The following DCC variants were observed in gnomAD, a reference collection of about 807,000 sequenced individuals.
The protein encoded by DCC is netrin receptor DCC.
Under a neutral mutation model 172.5 loss-of-function variants are expected in DCC, and 58 were observed. That is an observed-to-expected ratio of 0.34 (90% CI 0.27 to 0.42). DCC has a LOEUF of 0.42. Among genes scored for constraint, DCC ranks in the 10% least tolerant of loss-of-function variants. The probability of loss-of-function intolerance (pLI) is 1.00; values close to 1 mark genes in which losing one functional copy is unlikely to be tolerated. For synonymous variants in DCC, 709 were observed against 644.5 expected (o/e 1.10, Z -1.52); for missense variants, 1,740 against 1,791.0 (o/e 0.97, Z 0.51).
intron 15 of DCC, among the ~76,000 whole-genome samples, chr18:53,353,531 T>A (rs1196390357): frequency 6.6e-6 from 1 of 152,158 alleles, no homozygotes; most frequent in Non-Finnish European, 1.5e-5. Flanking sequence ...TGGTGTCATT[T>A]TTTTTTACAT....
intron 12 of DCC, among the ~76,000 whole-genome samples, chr18:53,291,154 C>T (rs1266899344): frequency 2.7e-5 from 4 of 149,468 alleles, no homozygotes; most frequent in Non-Finnish European, 4.4e-5. Flanking sequence ...GGTGACAGAG[C>T]AAGACTGCAT....
At chr18:53,334,932 A>C (rs1366523969) in intron 14 of DCC, among the ~76,000 whole-genome samples, 1 of 152,150 alleles carries the variant, frequency 6.6e-6, no homozygotes, top group Non-Finnish European at 1.5e-5. Context: ...CCTGCTTTCA[A>C]TTCTTTTTGC....
intron 13 of DCC, among the ~76,000 whole-genome samples, chr18:53,321,833 C>T (rs545242592): frequency 6.6e-6 from 1 of 152,246 alleles, no homozygotes; most frequent in East Asian, 1.9e-4. Flanking sequence ...TTTTTATAAA[C>T]TGGAAAAAAA....
chr18:53,348,065 A>C (rs932003596), intron 15 of DCC, among the ~76,000 whole-genome samples: 1 of 152,162 alleles, frequency 6.6e-6, no homozygotes, highest in African/African-American at 2.4e-5. Context: ...CCTTCCCAGC[A>C]GTCCCCCAAA....
chr18:53,146,505 G>A (rs1025627512), intron 7 of DCC, among the ~76,000 whole-genome samples: 1 of 152,162 alleles, frequency 6.6e-6, no homozygotes, highest in African/African-American at 2.4e-5. Flanking sequence ...ATTTACGAGG[G>A]CAGAGCCCTG....
chr18:52,586,541 T>A (rs534252212), intron 1 of DCC, among the ~76,000 whole-genome samples: 95 of 152,316 alleles, frequency 6.2e-4, no homozygotes, highest in Non-Finnish European at 1.2e-3. Flanking sequence ...GCATCATTGT[T>A]GTGTCTCCTG....
intron 2 of DCC, among the ~76,000 whole-genome samples, chr18:52,862,941 A>G (rs1299616237): frequency 6.6e-6 from 1 of 152,122 alleles, no homozygotes; most frequent in Non-Finnish European, 1.5e-5. Flanking sequence ...CCAAGGAGAA[A>G]CCTAAATTCT....
intron 17 of DCC, among the ~76,000 whole-genome samples, chr18:53,395,093 C>T (rs1382294469): frequency 1.4e-5 from 2 of 147,084 alleles, no homozygotes; most frequent in East Asian, 2.0e-4. Context: ...GAGGTTGCAG[C>T]GAGCCAAGAT....
intron 7 of DCC, among the ~76,000 whole-genome samples, chr18:53,131,952 G>GTT (rs1568323077): frequency 2.3e-4 from 16 of 68,834 alleles, no homozygotes; most frequent in Admixed American, 6.7e-4. Context: ...GTCTCTAAGT[G>GTT]ATTTTTTTTT....
intron 5 of DCC, among the ~76,000 whole-genome samples, chr18:52,980,042 T>C (rs1337605168): frequency 6.6e-6 from 1 of 152,168 alleles, no homozygotes; most frequent in Non-Finnish European, 1.5e-5. Flanking sequence ...GTTCAATCAC[T>C]GTATTTAATT....
intron 1 of DCC, among the ~76,000 whole-genome samples, chr18:52,615,040 G>A (rs2034353705): frequency 6.6e-6 from 1 of 152,184 alleles, no homozygotes; most frequent in African/African-American, 2.4e-5. Context: ...TCATGGAAAT[G>A]TCAGAGTTCT....
chr18:52,517,326 A>G (rs1342687946), intron 1 of DCC, among the ~76,000 whole-genome samples: 1 of 152,240 alleles, frequency 6.6e-6, no homozygotes, highest in East Asian at 1.9e-4. Flanking sequence ...ACTAGTTTAA[A>G]GAATAAAGCC....
chr18:52,725,940 T>C (rs546248569), intron 1 of DCC, among the ~76,000 whole-genome samples: 117 of 152,328 alleles, frequency 7.7e-4, no homozygotes, highest in African/African-American at 2.6e-3. Flanking sequence ...CAAAATCTTC[T>C]TACATACATT....
At chr18:52,517,074 C>G (rs1445288053) in intron 1 of DCC, among the ~76,000 whole-genome samples, 1 of 152,178 alleles carries the variant, frequency 6.6e-6, no homozygotes, top group African/African-American at 2.4e-5. Flanking sequence ...CCCTTGGCAT[C>G]TTAGGACTCT....
At chr18:52,442,619 C>T (rs1424199985) in intron 1 of DCC, among the ~76,000 whole-genome samples, 2 of 152,120 alleles carry the variant, frequency 1.3e-5, no homozygotes, top group African/African-American at 2.4e-5. Context: ...CCCAGTCACC[C>T]TCCTTGATGG....
intron 5 of DCC, chr18:52,931,941 T>A (rs1043224662): frequency 3.3e-5 from 5 of 152,034 alleles, no homozygotes; most frequent in African/African-American, 1.2e-4. Context: ...TGAATAAACT[T>A]TTATTTAAAA....
At chr18:53,376,790 G>C (rs1907320912) in intron 15 of DCC, among the ~76,000 whole-genome samples, 1 of 152,014 alleles carries the variant, frequency 6.6e-6, no homozygotes, top group African/African-American at 2.4e-5. Flanking sequence ...CTCCCCTCTT[G>C]ACTTCCTAAT....
chr18:53,069,936 T>C (rs181434782), intron 7 of DCC, among the ~76,000 whole-genome samples: 178 of 152,004 alleles, frequency 1.2e-3, no homozygotes, highest in African/African-American at 4.2e-3. Context: ...GGGGTTGTTA[T>C]TGTGTGGAGT....
chr18:53,212,697 G>T (rs2055776584), intron 11 of DCC, among the ~76,000 whole-genome samples: 2 of 148,906 alleles, frequency 1.3e-5, no homozygotes, highest in South Asian at 4.2e-4. Flanking sequence ...TTGAGACAGA[G>T]TCTCACTGTC....
Sources: gnomAD v4.1 joint callset for allele counts (sites outside exome capture counted in the v4.1 genomes callset) on GRCh38, gnomAD v4.1.1 for gene constraint, MANE v1.5 for transcripts, NCBI Gene and HGNC (gene_info 2026-07-23, HGNC 2026-07-21) for gene names.